Variants in ACOT1 observed in about 807,000 individuals in gnomAD.
ACOT1 encodes acyl-coenzyme A thioesterase 1.
Under a neutral mutation model 15.7 loss-of-function variants are expected in ACOT1, and 8 were observed. The observed-to-expected ratio is 0.51, with a 90% CI of 0.30 to 0.92. The LOEUF (loss-of-function observed/expected upper bound fraction) is 0.92. Among genes scored for constraint, ACOT1 ranks in the 40% least tolerant of loss-of-function variants. The pLI, the probability that ACOT1 is intolerant of heterozygous loss-of-function variation, is 0.06. For synonymous variants in ACOT1, 67 were observed against 241.2 expected (o/e 0.28, Z 6.69); for missense variants, 151 against 539.4 (o/e 0.28, Z 7.13).
At chr14:73,504,260 T>G in the ACOT1 span, among the ~76,000 whole-genome samples, 1 of 147,930 alleles carries the variant, frequency 6.8e-6, no homozygotes. Context: ...TTTTTTTTTT[T>G]GAGACGGAGC....
chr14:73,516,641 C>G, the ACOT1 span, among the ~76,000 whole-genome samples: 1 of 152,180 alleles, frequency 6.6e-6, no homozygotes, highest in East Asian at 1.9e-4. Context: ...GGGTCCCTAA[C>G]CCCCAGGCCA....
chr14:73,497,084 T>C, the ACOT1 span, among the ~76,000 whole-genome samples: 3 of 152,120 alleles, frequency 2.0e-5, no homozygotes, highest in South Asian at 6.2e-4. Context: ...TTAGTAGAGA[T>C]GGGGTTTCAC....
the ACOT1 span, among the ~76,000 whole-genome samples, chr14:73,502,705 G>A: frequency 4.6e-5 from 7 of 152,196 alleles, no homozygotes; most frequent in South Asian, 2.1e-4. Context: ...GTGCCACCAC[G>A]CCTGGCTAAT....
At chr14:73,502,415 A>G in the ACOT1 span, among the ~76,000 whole-genome samples, 16,526 of 152,088 alleles carry the variant, frequency 0.11, 1,077 homozygotes, top group East Asian at 0.29. Flanking sequence ...CCTCACACCT[A>G]CTGGGCACTC....
At chr14:73,519,207 A>C in the ACOT1 span, 23 of 1,561,980 alleles carry the variant, frequency 1.5e-5, no homozygotes, top group Non-Finnish European at 1.9e-5. Context: ...TAACCTCCCT[A>C]TTTCCTTTCT....
the ACOT1 span, among the ~76,000 whole-genome samples, chr14:73,524,056 C>T: frequency 2.0e-5 from 3 of 151,652 alleles, no homozygotes; most frequent in South Asian, 2.1e-4. Context: ...TTTGGGAGGC[C>T]GAGGTGGGTG....
chr14:73,542,740 T>A lies in ACOT1; in HGVS notation c.661-310T>A, dbSNP rs1261334007. 1.8e-5 allele frequency among the ~76,000 whole-genome samples: 2 copies of A among 111,646 alleles called. 1 individual carries two copies. Among genetic ancestry groups the A allele is most frequent in the Non-Finnish European group, 3.8e-5 (2 of 52,182 alleles). 73.2% of individuals were successfully genotyped at this position (111,646 alleles called of 152,430 possible). On this transcript the variant is annotated intron_variant, in intron 2 of 2. Transcript: ENST00000311148. ...CGTACTTGTTGATGACGACTCAGTT[T>A]AGTTATGACAGTGGGAATGGGTGGC... is the stretch of plus-strand genomic sequence containing the variant.
At chr14:73,496,426 C>G in the ACOT1 span, among the ~76,000 whole-genome samples, 2 of 152,148 alleles carry the variant, frequency 1.3e-5, no homozygotes, top group Non-Finnish European at 2.9e-5. Context: ...GACCTTGTAA[C>G]CCAATCTTGC....
At chr14:73,528,327 G>A in the ACOT1 span, among the ~76,000 whole-genome samples, 3 of 141,954 alleles carry the variant, frequency 2.1e-5, no homozygotes, top group African/African-American at 7.9e-5. Flanking sequence ...GGGAGGCGGA[G>A]GTTGCAGTGA....
chr14:73,498,966 C>T, the ACOT1 span: 20 of 923,572 alleles, frequency 2.2e-5, no homozygotes, highest in East Asian at 4.8e-5. Context: ...AAGATCATTA[C>T]CTCTCCTGCA....
At chr14:73,491,850 C>T in the ACOT1 span, 1 of 1,609,804 alleles carries the variant, frequency 6.2e-7, no homozygotes, top group East Asian at 2.2e-5. Context: ...CTGAACCCAC[C>T]CGGCCGCGCG....
chr14:73,536,589 A>G (rs1888870555), upstream of ACOT1, among the ~76,000 whole-genome samples: 1 of 112,022 alleles, frequency 8.9e-6, no homozygotes, highest in African/African-American at 2.9e-5. Context: ...AGAAACCAGT[A>G]TAAGAAAATA....
the ACOT1 span, chr14:73,523,140 G>T: frequency 1.3e-6 from 2 of 1,597,538 alleles, no homozygotes; most frequent in South Asian, 2.2e-5. Context: ...TTTCCCTTCT[G>T]GGTCCTGGTC....
chr14:73,522,503 C>T, the ACOT1 span: 1 of 1,614,210 alleles, frequency 6.2e-7, no homozygotes, highest in Non-Finnish European at 8.5e-7. Context: ...GCTCTGGATC[C>T]ATCGGGCTGT....
At chr14:73,509,089 A>T in the ACOT1 span, among the ~76,000 whole-genome samples, 1 of 151,690 alleles carries the variant, frequency 6.6e-6, no homozygotes, top group Non-Finnish European at 1.5e-5. Flanking sequence ...CTGGTTTAGA[A>T]CTCCTATGCT....
chr14:73,492,573 G>A, the ACOT1 span: 1 of 1,613,804 alleles, frequency 6.2e-7, no homozygotes, highest in African/African-American at 1.3e-5. This position sits in a 1 kb window ranked among gnomAD's most constrained non-coding sequence, Gnocchi z 4.9. Context: ...GATAGGGAGA[G>A]GGCACTAAGT....
the ACOT1 span, among the ~76,000 whole-genome samples, chr14:73,501,989 C>T: frequency 1.3e-5 from 2 of 151,762 alleles, no homozygotes; most frequent in Admixed American, 1.3e-4. Flanking sequence ...TTGTGATCCA[C>T]CCGCCTCGGC....
At chr14:73,505,827 A>G in the ACOT1 span, among the ~76,000 whole-genome samples, 5 of 152,088 alleles carry the variant, frequency 3.3e-5, no homozygotes, top group East Asian at 1.9e-4. Context: ...GCGGGGGGGA[A>G]ATATGTCATT....
At chr14:73,497,696 G>A in the ACOT1 span, among the ~76,000 whole-genome samples, 17 of 151,620 alleles carry the variant, frequency 1.1e-4, no homozygotes, top group Admixed American at 8.6e-4. Context: ...GCACCATCTC[G>A]GCTCACCGCA....
Sources: allele counts gnomAD v4.1 joint callset (sites outside exome capture counted in the v4.1 genomes callset), GRCh38; gene constraint gnomAD v4.1.1; non-coding constraint Gnocchi (gnomAD v3.1); transcripts MANE v1.5; gene names NCBI Gene and HGNC (gene_info 2026-07-23, HGNC 2026-07-21).